CNTNAP2: variants seen among roughly 807,000 people sequenced by gnomAD.
The protein encoded by CNTNAP2 is contactin associated protein 2, also known as contactin-associated protein-like 2.
Under a neutral mutation model 155.2 loss-of-function variants are expected in CNTNAP2, and 98 were observed. That is an observed-to-expected ratio of 0.63 (90% CI 0.54 to 0.75). The LOEUF (loss-of-function observed/expected upper bound fraction) is 0.75. Ranked by LOEUF, CNTNAP2 falls within the 30% of genes least tolerant of loss-of-function variation. The pLI is 0.00. For synonymous variants in CNTNAP2, 651 were observed against 631.2 expected (o/e 1.03, Z -0.47); for missense variants, 1,727 against 1,688.1 (o/e 1.02, Z -0.40).
intron 1 of CNTNAP2, among the ~76,000 whole-genome samples, chr7:146,416,218 A>T (rs2129112287): frequency 6.6e-6 from 1 of 151,380 alleles, no homozygotes. Context: ...TGTTAATGTT[A>T]TTGTATTGTC....
chr7:146,772,560 T>C (rs1802313593), intron 1 of CNTNAP2, among the ~76,000 whole-genome samples: 1 of 149,952 alleles, frequency 6.7e-6, no homozygotes, highest in Non-Finnish European at 1.5e-5. Context: ...TCCCAGCTAC[T>C]CAGGAGGCTG....
At chr7:147,967,958 AG>A (rs1182465616) in intron 14 of CNTNAP2, among the ~76,000 whole-genome samples, 15 of 152,338 alleles carry the variant, frequency 9.8e-5, no homozygotes, top group South Asian at 8.3e-4. Flanking sequence ...AATACAAGAA[AG>A]GCTTGTTGTT....
At chr7:147,460,782 T>G (rs62482761) in intron 10 of CNTNAP2, among the ~76,000 whole-genome samples, 1,682 of 152,362 alleles carry the variant, frequency 0.011, 14 homozygotes, top group Non-Finnish European at 0.019. Context: ...TCCTTGGCAT[T>G]AACCATTAGA....
intron 17 of CNTNAP2, among the ~76,000 whole-genome samples, chr7:148,158,450 C>CGA (rs1269170513): frequency 6.6e-6 from 1 of 151,948 alleles, no homozygotes; most frequent in Non-Finnish European, 1.5e-5. Flanking sequence ...CTCGATCTCT[C>CGA]GAGCTCATGA....
At chr7:147,321,324 A>G (rs1394951374) in intron 9 of CNTNAP2, among the ~76,000 whole-genome samples, 1 of 152,222 alleles carries the variant, frequency 6.6e-6, no homozygotes, top group Non-Finnish European at 1.5e-5. Context: ...CCTGAAGGTT[A>G]TGAAAGACAT....
At chr7:146,682,874 C>T (rs145358631) in intron 1 of CNTNAP2, among the ~76,000 whole-genome samples, 1 of 152,152 alleles carries the variant, frequency 6.6e-6, no homozygotes, top group African/African-American at 2.4e-5. Context: ...GTGTTCCATG[C>T]ACTGGATTGT....
chr7:147,347,249 T>G (rs1292140931), intron 9 of CNTNAP2, among the ~76,000 whole-genome samples: 1 of 151,678 alleles, frequency 6.6e-6, no homozygotes, highest in Non-Finnish European at 1.5e-5. Flanking sequence ...GGAGGGTAGT[T>G]GTAGGTCAAT....
chr7:147,543,867 G>C (rs1392725614), intron 11 of CNTNAP2, among the ~76,000 whole-genome samples: 1 of 152,130 alleles, frequency 6.6e-6, no homozygotes, highest in South Asian at 2.1e-4. Context: ...ATTTCAGAGA[G>C]GCTAAGTAAC....
chr7:148,269,906 T>A (rs544236561), intron 21 of CNTNAP2, among the ~76,000 whole-genome samples: 116 of 152,324 alleles, frequency 7.6e-4, no homozygotes, highest in African/African-American at 2.7e-3. Context: ...AAACAAACGC[T>A]ACACTATGAT....
Position 147,132,280 on chromosome 7 carries a change from G to A in CNTNAP2, c.1119G>A (p.Thr373=), listed in dbSNP as rs73471053. The A allele has an allele frequency of 1.7e-3, 2,746 of 1,613,554 alleles. 40 individuals are homozygous for A. In the African/African-American group the frequency reaches 0.033, roughly 19 times the overall value. The change falls in exon 8 of 24, where the codon ACG becomes ACA. Residue 373 remains threonine, a synonymous_variant. Transcript: ENST00000361727. ...NLSFSCVEPY[T]VPVFFNATSY... is the part of the protein sequence containing the mutation. ...GCTTTTCTTGTGTGGAACCCTATAC[G>A]GTGCCTGTCTTTTTCAACGCTACAA... is the stretch of plus-strand genomic sequence containing the variant.
At chr7:147,936,300 A>ATT (rs56980866) in intron 14 of CNTNAP2, among the ~76,000 whole-genome samples, 31,913 of 147,484 alleles carry the variant, frequency 0.22, 4,549 homozygotes, top group East Asian at 0.56. Context: ...CATTTATTTT[A>ATT]TTTTTTTTTT....
At chr7:146,569,977 G>A (rs1798416512) in intron 1 of CNTNAP2, among the ~76,000 whole-genome samples, 2 of 152,118 alleles carry the variant, frequency 1.3e-5, no homozygotes, top group African/African-American at 4.8e-5. Flanking sequence ...CCTATTTCAG[G>A]GGCTACGTGT....
intron 13 of CNTNAP2, among the ~76,000 whole-genome samples, chr7:147,752,898 G>C (rs1224503441): frequency 6.6e-6 from 1 of 152,166 alleles, no homozygotes; most frequent in Non-Finnish European, 1.5e-5. Flanking sequence ...GCAAAAAAAG[G>C]AAAACCTCCT....
intron 1 of CNTNAP2, among the ~76,000 whole-genome samples, chr7:146,134,658 A>G (rs1368244771): frequency 6.7e-6 from 1 of 149,820 alleles, no homozygotes; most frequent in Non-Finnish European, 1.5e-5. Context: ...TTCTGCATCT[A>G]TTGAGATAAT....
intron 1 of CNTNAP2, among the ~76,000 whole-genome samples, chr7:146,352,594 A>G (rs1794930504): frequency 6.6e-6 from 1 of 151,890 alleles, no homozygotes; most frequent in African/African-American, 2.4e-5. Flanking sequence ...TAATCGGCCC[A>G]TGGCTTACTC....
chr7:146,275,481 C>T (rs1369950150), intron 1 of CNTNAP2, among the ~76,000 whole-genome samples: 1 of 151,820 alleles, frequency 6.6e-6, no homozygotes, highest in African/African-American at 2.4e-5. Context: ...ATATAAAGAA[C>T]ACAGAAAATA....
intron 1 of CNTNAP2, among the ~76,000 whole-genome samples, chr7:146,316,005 CAAAT>C (rs1800899487): frequency 6.6e-6 from 1 of 152,090 alleles, no homozygotes; most frequent in Non-Finnish European, 1.5e-5. Flanking sequence ...TTTTTTGAAA[CAAAT>C]CAAGTAAACT....
At chr7:146,973,038 C>T (rs1797834367) in intron 3 of CNTNAP2, among the ~76,000 whole-genome samples, 1 of 152,120 alleles carries the variant, frequency 6.6e-6, no homozygotes, top group African/African-American at 2.4e-5. Context: ...TTCTCTCTCT[C>T]TCTTTTTTAA....
intron 9 of CNTNAP2, among the ~76,000 whole-genome samples, chr7:147,369,770 C>T (rs970936497): frequency 6.6e-6 from 1 of 152,212 alleles, no homozygotes; most frequent in African/African-American, 2.4e-5. Context: ...CCCTCCTCAA[C>T]TTTCACCTGG....
Sources: gnomAD v4.1 joint callset for allele counts (sites outside exome capture counted in the v4.1 genomes callset) on GRCh38, gnomAD v4.1.1 for gene constraint, MANE v1.5 for transcripts, NCBI Gene and HGNC (gene_info 2026-07-23, HGNC 2026-07-21) for gene names.